Variants in FGF12 observed in about 807,000 individuals in gnomAD.
FGF12 encodes the protein fibroblast growth factor 12B.
FGF12 carries 14 observed loss-of-function variants against 23.6 expected under a neutral mutation model. The observed-to-expected ratio is 0.59, with a 90% CI of 0.39 to 0.93. The LOEUF is 0.93. Ranked by LOEUF, FGF12 falls within the 40% of genes least tolerant of loss-of-function variation. The probability of loss-of-function intolerance (pLI) is 0.00; values close to 1 mark genes in which losing one functional copy is unlikely to be tolerated. For missense variants in FGF12, 175 were observed against 217.8 expected (o/e 0.80, Z 1.24); for synonymous variants, 62 against 77.3 (o/e 0.80, Z 1.04).
At chr3:192,683,650 G>A (rs1717625610) in intron 2 of FGF12, among the ~76,000 whole-genome samples, 1 of 152,098 alleles carries the variant, frequency 6.6e-6, no homozygotes, top group African/African-American at 2.4e-5. Flanking sequence ...TTTCTAGGGG[G>A]CAGCCATCAT....
intron 4 of FGF12, among the ~76,000 whole-genome samples, chr3:192,234,008 G>A (rs557096718): frequency 2.0e-5 from 3 of 152,224 alleles, no homozygotes; most frequent in African/African-American, 7.2e-5. Context: ...GCCTCTGGCT[G>A]TGTTCATCTT....
At chr3:192,628,886 A>G (rs1034829612) in intron 2 of FGF12, among the ~76,000 whole-genome samples, 5 of 151,826 alleles carry the variant, frequency 3.3e-5, no homozygotes, top group African/African-American at 1.2e-4. Context: ...AACCCTGACT[A>G]ATATAGGTAT....
At chr3:192,155,085 G>A (rs1308188161) in intron 5 of FGF12, among the ~76,000 whole-genome samples, 2 of 150,952 alleles carry the variant, frequency 1.3e-5, no homozygotes, top group African/African-American at 2.5e-5. Flanking sequence ...TTCCAGGTGC[G>A]TCTGTCACCC....
chr3:192,602,507 G>A (rs1310990608), intron 2 of FGF12, among the ~76,000 whole-genome samples: 1 of 152,058 alleles, frequency 6.6e-6, no homozygotes. Flanking sequence ...CATCCTCTCA[G>A]AGCTGTGAAG....
At chr3:192,361,752 C>CTACACTTGT (rs1718737828) in intron 2 of FGF12, among the ~76,000 whole-genome samples, 2 of 152,150 alleles carry the variant, frequency 1.3e-5, no homozygotes, top group Middle Eastern at 3.2e-3. Flanking sequence ...GGCCTACACC[C>CTACACTTGT]TATAACAAGT....
chr3:192,212,053 G>T (rs1162465457), intron 4 of FGF12, among the ~76,000 whole-genome samples: 1 of 152,078 alleles, frequency 6.6e-6, no homozygotes, highest in Non-Finnish European at 1.5e-5. Context: ...CTTCTGTTTT[G>T]CCTAACTTCT....
At chr3:192,471,962 G>T (rs1050490221) in intron 2 of FGF12, among the ~76,000 whole-genome samples, 2 of 151,540 alleles carry the variant, frequency 1.3e-5, no homozygotes, top group African/African-American at 4.9e-5. Flanking sequence ...ACCTGCACAT[G>T]CTGATTAAAA....
intron 4 of FGF12, among the ~76,000 whole-genome samples, chr3:192,326,000 T>G (rs1041822448): frequency 6.6e-6 from 1 of 152,106 alleles, no homozygotes; most frequent in Non-Finnish European, 1.5e-5. Context: ...ATAAAGCCCA[T>G]TGAGTCCAGA....
intron 4 of FGF12, among the ~76,000 whole-genome samples, chr3:192,285,511 G>A (rs1029887841): frequency 6.6e-6 from 1 of 151,520 alleles, no homozygotes; most frequent in African/African-American, 2.4e-5. Flanking sequence ...TTCAAAAATG[G>A]CCTATGTAAA....
At chr3:192,722,313 T>C (rs1272986753) in intron 2 of FGF12, among the ~76,000 whole-genome samples, 3 of 152,228 alleles carry the variant, frequency 2.0e-5, no homozygotes, top group Non-Finnish European at 4.4e-5. Context: ...GTTGTTGTTA[T>C]TGTTTAACCA....
intron 4 of FGF12, among the ~76,000 whole-genome samples, chr3:192,175,539 T>C (rs1441328204): frequency 1.3e-5 from 2 of 152,190 alleles, no homozygotes; most frequent in Non-Finnish European, 1.5e-5. Context: ...CAGCAGAAAA[T>C]GAATATTTTG....
intron 4 of FGF12, among the ~76,000 whole-genome samples, chr3:192,286,713 T>C (rs1714466415): frequency 6.6e-6 from 1 of 152,082 alleles, no homozygotes; most frequent in Non-Finnish European, 1.5e-5. Context: ...CAATGGTTTA[T>C]TGTTGTTCTG....
chr3:192,226,537 C>G (rs1483830600), intron 4 of FGF12, among the ~76,000 whole-genome samples: 3 of 152,246 alleles, frequency 2.0e-5, no homozygotes, highest in African/African-American at 7.2e-5. Context: ...TATATACATA[C>G]ACACATACTG....
At chr3:192,178,713 G>A (rs1715999916) in intron 4 of FGF12, among the ~76,000 whole-genome samples, 1 of 152,164 alleles carries the variant, frequency 6.6e-6, no homozygotes, top group Non-Finnish European at 1.5e-5. Context: ...GGCCAGACGG[G>A]TCTCTAACTC....
intron 2 of FGF12, among the ~76,000 whole-genome samples, chr3:192,499,093 A>G (rs1724043300): frequency 6.6e-6 from 1 of 152,194 alleles, no homozygotes; most frequent in Admixed American, 6.5e-5. Context: ...TGTGTTATGA[A>G]TGCATCAAAT....
At chr3:192,334,392 A>G (rs1354574694) in intron 4 of FGF12, among the ~76,000 whole-genome samples, 2 of 152,170 alleles carry the variant, frequency 1.3e-5, no homozygotes, top group Non-Finnish European at 2.9e-5. Context: ...GACATATGGA[A>G]ACTTCCAAAA....
intron 4 of FGF12, among the ~76,000 whole-genome samples, chr3:192,220,785 GT>G (rs1322013555): frequency 1.3e-5 from 2 of 152,134 alleles, no homozygotes; most frequent in African/African-American, 4.8e-5. Flanking sequence ...GTATAAATAT[GT>G]TTTTTAAAAG....
chr3:192,239,516 A>G (rs887976441), intron 4 of FGF12, among the ~76,000 whole-genome samples: 5 of 152,144 alleles, frequency 3.3e-5, no homozygotes, highest in African/African-American at 1.2e-4. Context: ...TGGGCCACAG[A>G]CTGGTACTGG....
chr3:192,236,443 T>C (rs1446402528), intron 4 of FGF12, among the ~76,000 whole-genome samples: 1 of 152,224 alleles, frequency 6.6e-6, no homozygotes, highest in Non-Finnish European at 1.5e-5. Context: ...ATCTGTCTAA[T>C]ACTGTCACTC....
Sources: allele counts gnomAD v4.1 joint callset (sites outside exome capture counted in the v4.1 genomes callset), GRCh38; gene constraint gnomAD v4.1.1; transcripts MANE v1.5; gene names NCBI Gene and HGNC (gene_info 2026-07-23, HGNC 2026-07-21).